The following CCSER2 variants were observed in gnomAD, a reference collection of about 807,000 sequenced individuals.
The protein encoded by CCSER2 is coiled-coil serine rich protein 2, also known as serine-rich coiled-coil domain-containing protein 2.
Under a neutral mutation model 92.3 loss-of-function variants are expected in CCSER2, and 46 were observed. The observed-to-expected ratio is 0.50, with a 90% CI of 0.39 to 0.64. The LOEUF (loss-of-function observed/expected upper bound fraction) is 0.64. Among genes scored for constraint, CCSER2 ranks in the 30% least tolerant of loss-of-function variants. The pLI is 0.00. For synonymous variants in CCSER2, 433 were observed against 431.4 expected, an observed-to-expected ratio of 1.00 and a Z score of -0.04; for missense variants, 1,244 against 1,238.9, an observed-to-expected ratio of 1.00 and a Z score of -0.06.
At chr10:84,352,788 A>T (rs2133076285) in intron 1 of CCSER2, among the ~76,000 whole-genome samples, 1 of 151,730 alleles carries the variant, frequency 6.6e-6, no homozygotes, top group East Asian at 1.9e-4. Context: ...TAAGGTTAAG[A>T]TGCGATAATT....
chr10:84,396,227 A>T (rs1196861342), intron 3 of CCSER2, among the ~76,000 whole-genome samples: 1 of 149,792 alleles, frequency 6.7e-6, no homozygotes, highest in Admixed American at 6.7e-5. Context: ...GTGTATAAGG[A>T]TTATAGTATA....
At chr10:84,390,577 G>A (rs151241498) in intron 3 of CCSER2, among the ~76,000 whole-genome samples, 27 of 152,296 alleles carry the variant, frequency 1.8e-4, no homozygotes, top group Non-Finnish European at 3.5e-4. Flanking sequence ...ACATCATTAT[G>A]TTACTAAGCA....
intron 7 of CCSER2, among the ~76,000 whole-genome samples, chr10:84,465,853 C>T (rs1019173043): frequency 6.6e-6 from 1 of 152,014 alleles, no homozygotes; most frequent in African/African-American, 2.4e-5. Flanking sequence ...TGGGTTCACG[C>T]CATTCTTCTG....
chr10:84,477,094 G>A (rs553439470), intron 8 of CCSER2, among the ~76,000 whole-genome samples: 2 of 152,116 alleles, frequency 1.3e-5, no homozygotes, highest in African/African-American at 2.4e-5. Context: ...GGGAAATACT[G>A]TAAATTCTGC....
At chr10:84,483,958 TATATATATATATA>T (rs1272035231) in intron 9 of CCSER2, among the ~76,000 whole-genome samples, 1 of 4,254 alleles carries the variant, frequency 2.4e-4, no homozygotes, top group African/African-American at 1.1e-3. Flanking sequence ...CTAATTTATA[TATATATATATATA>T]TATATATATA....
chr10:84,463,858 G>C, intron 6 of CCSER2, 75 bp from the exon 7 acceptor site: 1 of 991,318 alleles, frequency 1.0e-6, no homozygotes, highest in Non-Finnish European at 1.6e-6. Flanking sequence ...CATTTGGTCT[G>C]GGTAAATTCA....
At chr10:84,455,659 G>C (rs1320865274) in intron 6 of CCSER2, 12 of 686,976 alleles carry the variant, frequency 1.7e-5, no homozygotes, top group Non-Finnish European at 3.3e-5. Context: ...TGAGTTTCAG[G>C]AGATTGTTCA....
chr10:84,355,486 T>C (rs1845116597), intron 1 of CCSER2, among the ~76,000 whole-genome samples: 1 of 152,178 alleles, frequency 6.6e-6, no homozygotes, highest in African/African-American at 2.4e-5. Flanking sequence ...ATGTTATCCC[T>C]CTCTCCCAGT....
chr10:84,443,371 G>GAAA (rs1844698029), intron 6 of CCSER2, among the ~76,000 whole-genome samples: 1 of 152,166 alleles, frequency 6.6e-6, no homozygotes, highest in Admixed American at 6.5e-5. Context: ...AGACAATTAT[G>GAAA]CAGCCAACAA....
chr10:84,453,636 C>G (rs940221000), intron 6 of CCSER2, among the ~76,000 whole-genome samples: 1 of 152,174 alleles, frequency 6.6e-6, no homozygotes, highest in African/African-American at 2.4e-5. Context: ...CTTATCCTTA[C>G]TAAATTTTTG....
intron 3 of CCSER2, among the ~76,000 whole-genome samples, chr10:84,397,125 T>C (rs1035332753): frequency 1.3e-5 from 2 of 152,240 alleles, no homozygotes; most frequent in Admixed American, 1.3e-4. Context: ...TTGCTATGCA[T>C]GGTATTCTAT....
At chr10:84,409,707 G>T (rs1270609210) in intron 3 of CCSER2, among the ~76,000 whole-genome samples, 1 of 151,978 alleles carries the variant, frequency 6.6e-6, no homozygotes, top group African/African-American at 2.4e-5. Context: ...TGATTTTGAT[G>T]ATGTTTCCGT....
chr10:84,501,677 A>G (rs1848727003), intron 9 of CCSER2, among the ~76,000 whole-genome samples: 1 of 145,596 alleles, frequency 6.9e-6, no homozygotes, highest in South Asian at 2.2e-4. Flanking sequence ...ACTGTGAAGC[A>G]GCACTATCCT....
rs1004538714 is a variant in CCSER2 at position 84,513,800 on chromosome 10, G to A, written c.2677G>A (p.Glu893Lys). The part of the protein sequence containing the change: ...FIPTSLQTPP[E>K]SSTVDQAKRV... ...ACCCACTTCTCTTCAGACACCTCCC[G>A]AGTCAAGTACAGTAGACCAGGCTAA... The change falls in exon 10 of 10, where the codon GAG (glutamate) becomes AAG (lysine). Residue 893 changes from glutamate to lysine, a missense_variant. By Grantham distance (56) the Glu-to-Lys change is moderately conservative. Transcript: ENST00000372088. 12 of 1,536,194 alleles carry A rather than the reference G, an allele frequency of 7.8e-6. No homozygotes were observed. Among genetic ancestry groups the A allele is most frequent in the East Asian group, 2.4e-5 (1 of 40,926 alleles).
In CCSER2 at chr10:84,514,173, A is replaced by T. The variant is rs1470480846; in HGVS notation, c.3050A>T (p.Lys1017Ile). 8 of 1,536,404 alleles carry T rather than the reference A, an allele frequency of 5.2e-6. No individual in the cohort carries two copies. The Admixed American group carries it at 1.6e-4, about 30-fold the overall frequency. The part of the protein sequence containing the change: ...TSIPRPLTQR[K>I]EIMQNPNGNL... Reference sequence around the variant, plus strand: ...ATCCCAAGGCCACTAACACAACGAAAAGAAATCATGCAGAATCCAAATGGC... The same window carrying T: ...ATCCCAAGGCCACTAACACAACGAATAGAAATCATGCAGAATCCAAATGGC... Residue 1017 changes from lysine to isoleucine, a missense_variant, in exon 10 of 10, where the codon AAA becomes ATA. Lys to Ile is a moderately radical substitution (Grantham distance 102). Coordinates refer to ENST00000372088, the MANE Select transcript of CCSER2 (RefSeq NM_001284240.2).
intron 3 of CCSER2, among the ~76,000 whole-genome samples, chr10:84,384,286 A>G (rs1841070289): frequency 2.0e-5 from 3 of 152,182 alleles, no homozygotes; most frequent in African/African-American, 4.8e-5. Context: ...TGAAACCAAT[A>G]TCATCCTGGT....
chr10:84,354,569 A>T (rs1451475292), intron 1 of CCSER2, among the ~76,000 whole-genome samples: 1 of 73,084 alleles, frequency 1.4e-5, no homozygotes, highest in African/African-American at 5.8e-5. Context: ...CTTCCCCCTC[A>T]TCCATTTTTT....
chr10:84,329,001 G>T (rs986521437), intron 1 of CCSER2, among the ~76,000 whole-genome samples, 193 bp downstream of exon 1: 2 of 151,910 alleles, frequency 1.3e-5, no homozygotes, highest in East Asian at 3.9e-4. Context: ...CGGGGCGGGC[G>T]CGGACCCGGG....
intron 9 of CCSER2, chr10:84,500,045 C>G: frequency 6.3e-7 from 1 of 1,592,038 alleles, no homozygotes; most frequent in South Asian, 1.1e-5. Flanking sequence ...TCCCCAGCAC[C>G]TCCTTTTCTA....
Sources: gnomAD v4.1 joint callset for allele counts (sites outside exome capture counted in the v4.1 genomes callset) on GRCh38, gnomAD v4.1.1 for gene constraint, MANE v1.5 for transcripts, NCBI Gene and HGNC (gene_info 2026-07-23, HGNC 2026-07-21) for gene names.